The following AHNAK2 variants were observed in gnomAD, a reference collection of about 807,000 sequenced individuals.
AHNAK2 encodes AHNAK nucleoprotein 2, also known as protein AHNAK2.
In AHNAK2, 18 loss-of-function variants were observed where a neutral mutation model predicts 30.7. The observed-to-expected ratio is 0.59, with a 90% confidence interval of 0.41 to 0.87. The LOEUF is 0.87. Among genes scored for constraint, AHNAK2 ranks in the 40% least tolerant of loss-of-function variants. The pLI is 0.00. For missense variants in AHNAK2, 8,604 were observed against 7,373.0 expected (o/e 1.17, Z -6.11); for synonymous variants, 3,590 against 3,073.8 (o/e 1.17, Z -5.56).
rs1304136665 is a variant in AHNAK2, at chr14:104,949,836, C to T, written c.5615G>A (p.Cys1872Tyr). 6.3e-7 allele frequency: 1 copy of T among 1,587,446 alleles called. No homozygotes were observed. Among genetic ancestry groups the T allele is most frequent in the South Asian group, 1.1e-5 (1 of 90,028 alleles). Reference protein sequence around the residue: ...MQGDLKTTDLCIPLPSADLVV... With the variant: ...MQGDLKTTDLYIPLPSADLVV... ...CAGGTCTGCAGAAGGGAGCGGAATG[C>T]AGAGGTCCGTGGTCTTGAGGTCCCC... Residue 1872 changes from cysteine to tyrosine, a missense_variant, in exon 7 of 7, where the codon TGC (cysteine) becomes TAC (tyrosine). Coordinates refer to ENST00000333244, the MANE Select transcript of AHNAK2 (RefSeq NM_138420.4).
intron 1 of AHNAK2, chr14:104,970,559 A>C: frequency 2.1e-6 from 2 of 972,260 alleles, no homozygotes; most frequent in Non-Finnish European, 1.2e-6. Context: ...TCCTCCCCCC[A>C]TTGTCCCGCC....
In AHNAK2 at chr14:104,939,156, C is replaced by T. The variant is rs945643417; in HGVS notation, c.16295G>A (p.Trp5432Ter). Residue 5432 changes from tryptophan (W) to a stop codon, truncating the protein, a stop_gained, in exon 7 of 7, where the codon TGG becomes TAG. Coordinates refer to ENST00000333244, the MANE Select transcript of AHNAK2 (RefSeq NM_138420.4). LOFTEE classifies it low-confidence loss of function (END_TRUNC). ...ACCTGCCTTCAGGATGCTGGCTCCC[C>T]AGAGCCCCGGACTTTCCTTACAAAG... ...TALCKESPGL[W>*]GASILKAGAG... 6 of 1,612,084 alleles carry T rather than the reference C, an allele frequency of 3.7e-6. No individual in the cohort carries two copies. The highest frequency in any genetic ancestry group is 4.2e-6 in the Non-Finnish European group (5 of 1,179,268).
chr14:104,960,965 T>C (rs1030117046), intron 1 of AHNAK2, among the ~76,000 whole-genome samples: 1 of 150,326 alleles, frequency 6.7e-6, no homozygotes, highest in Admixed American at 6.7e-5. Context: ...AACCCCTCTC[T>C]ACTAAAAATA....
intron 1 of AHNAK2, among the ~76,000 whole-genome samples, chr14:104,975,633 C>T (rs1475090513): frequency 6.6e-6 from 1 of 152,238 alleles, no homozygotes; most frequent in Non-Finnish European, 1.5e-5. Flanking sequence ...TCTGCTCTGG[C>T]CCCTAAGAGC....
At chr14:104,968,837 T>C (rs1899389560) in intron 1 of AHNAK2, among the ~76,000 whole-genome samples, 1 of 152,182 alleles carries the variant, frequency 6.6e-6, no homozygotes, top group African/African-American at 2.4e-5. Flanking sequence ...GTGTGTGCAC[T>C]TGTGTGTCTG....
rs1897980127 is a variant in AHNAK2, at chr14:104,941,402, A to G, written c.14049T>C (p.Asp4683=). The change falls in exon 7 of 7, where the codon GAT becomes GAC. Residue 4683 remains aspartate, a synonymous_variant. Coordinates refer to ENST00000333244, the MANE Select transcript of AHNAK2 (RefSeq NM_138420.4). ...CTCCAACAGCAAGCCCCAAGTTACC[A>G]TCGCGAGATGGATCATGAAGATCAC... The part of the protein sequence containing the change: ...HEGDLHDPSR[D]GNLGLAVGEV... 1 of 1,613,188 alleles carries G rather than the reference A, an allele frequency of 6.2e-7. No individual in the cohort carries two copies. The highest frequency in any genetic ancestry group is 1.3e-5 in the African/African-American group (1 of 74,942).
chr14:104,940,098 GCTT>G lies in AHNAK2; in HGVS notation c.15350_15352del (p.Glu5117del). On this transcript the variant is annotated inframe_deletion, in exon 7 of 7. Coordinates refer to ENST00000333244, the MANE Select transcript of AHNAK2 (RefSeq NM_138420.4). The surrounding 1 kb of genome is among the most constrained non-coding windows in gnomAD (Gnocchi z 4.4). ...ATCATGTTTGGGAAGAGGCAGGTCAGCTTCAGGCTGGCTCACCTCCACCTTGGC... is the reference window on the plus strand; with the variant it reads ...ATCATGTTTGGGAAGAGGCAGGTCAGCAGGCTGGCTCACCTCCACCTTGGC... 6.2e-7 allele frequency: 1 copy of G among 1,613,252 alleles called. No homozygotes were observed.
intron 1 of AHNAK2, among the ~76,000 whole-genome samples, chr14:104,960,616 C>T (rs1899109430): frequency 6.6e-6 from 1 of 152,148 alleles, no homozygotes; most frequent in African/African-American, 2.4e-5. Flanking sequence ...CAGAATTAAG[C>T]TGGCATTGCC....
chr14:104,959,057 G>A (rs1451510438), intron 1 of AHNAK2, among the ~76,000 whole-genome samples: 1 of 152,220 alleles, frequency 6.6e-6, no homozygotes, highest in Non-Finnish European at 1.5e-5. Context: ...AAAATAGTCT[G>A]GGCATGCTGG....
Position 104,944,677 on chromosome 14 carries a change from C to A in AHNAK2, c.10774G>T (p.Val3592Leu), listed in dbSNP as rs562695332. The change falls in exon 7 of 7, where the codon GTG (valine) becomes TTG (leucine). Residue 3592 changes from valine (V) to leucine (L), a missense_variant. Coordinates refer to ENST00000333244, the MANE Select transcript of AHNAK2 (RefSeq NM_138420.4). ...KLDLKGPKAE[V>L]RVPDVEVSLP... is the part of the protein sequence containing the mutation. ...GACACCTCGACATCGGGGACTCTCA[C>A]TTCTGCCTTGGGGCCTTTCAGGTCC... is the stretch of plus-strand genomic sequence containing the variant. 2.9e-5 allele frequency: 46 copies of A among 1,613,210 alleles called. No individual in the cohort carries two copies. The South Asian group carries it at 3.7e-4, about 13-fold the overall frequency.
intron 1 of AHNAK2, among the ~76,000 whole-genome samples, chr14:104,974,820 A>G (rs1229663942): frequency 6.6e-6 from 1 of 152,098 alleles, no homozygotes. Flanking sequence ...AGAGTGTGGC[A>G]TTTTACTCCT....
In AHNAK2 at chr14:104,940,004, C is replaced by A; in HGVS notation, c.15447G>T (p.Glu5149Asp). Residue 5149 changes from glutamate to aspartate, a missense_variant, in exon 7 of 7, where the codon GAG (glutamate) becomes GAT (aspartate). Physicochemically the swap from Glu to Asp is conservative, Grantham distance 45. Coordinates refer to ENST00000333244, the MANE Select transcript of AHNAK2 (RefSeq NM_138420.4). The surrounding 1 kb of genome is among the most constrained non-coding windows in gnomAD (Gnocchi z 4.4). The stretch of plus-strand genomic sequence containing the variant: ...GATCTTCAGGTGTGGGGGCTATCCC[C>A]TCCCCACAAGGCTGGCTCACTGGGA... ...GDVPVSQPCG[E>D]GIAPTPEDPL... 1 of 1,612,694 alleles carries A rather than the reference C, an allele frequency of 6.2e-7. No homozygotes were observed. The highest frequency in any genetic ancestry group is 8.5e-7 in the Non-Finnish European group (1 of 1,179,888).
chr14:104,964,341 T>C (rs1899240766), intron 1 of AHNAK2, among the ~76,000 whole-genome samples: 2 of 152,130 alleles, frequency 1.3e-5, no homozygotes, highest in Non-Finnish European at 2.9e-5. Context: ...GCAGACCACC[T>C]GGAGACAAGG....
In AHNAK2 at chr14:104,952,497, G is replaced by A. The variant is rs776663755; in HGVS notation, c.2954C>T (p.Ser985Phe). The A allele has an allele frequency of 5.6e-6, 9 of 1,612,722 alleles. No homozygotes were observed. The highest frequency in any genetic ancestry group is 7.6e-6 in the Non-Finnish European group (9 of 1,179,676). Residue 985 changes from serine (S) to phenylalanine (F), a missense_variant, in exon 7 of 7, where the codon TCC becomes TTC. Physicochemically the swap from Ser to Phe is radical, Grantham distance 155 (BLOSUM62 -2). Transcript: ENST00000333244. ...GGCAGTCACGTCCTTGTCGGCCAGG[G>A]ACAGGTCCCCCTCCAGCCACGCACC... ...LDGAWLEGDL[S>F]LADKDVTAKD... is the part of the protein sequence containing the mutation.
chr14:104,938,464 C>T lies in AHNAK2; in HGVS notation c.16987G>A (p.Val5663Ile), dbSNP rs948275950. Residue 5663 changes from valine (V) to isoleucine (I), a missense_variant, in exon 7 of 7, where the codon GTT becomes ATT. Transcript: ENST00000333244. ...GFSSSVDETG[V>I]DSKNDVQRSA... ...CTCTGGACGTCATTTTTGGAATCAA[C>T]ACCTGTCTCATCAACAGAAGAGGAA... The T allele has an allele frequency of 6.2e-7, 1 of 1,613,882 alleles. No individual in the cohort carries two copies. The highest frequency in any genetic ancestry group is 8.5e-7 in the Non-Finnish European group (1 of 1,179,860).
intron 1 of AHNAK2, among the ~76,000 whole-genome samples, chr14:104,965,701 G>A (rs1159315154): frequency 2.6e-5 from 4 of 152,198 alleles, no homozygotes; most frequent in Non-Finnish European, 5.9e-5. Flanking sequence ...GTGGTGTGCT[G>A]GCCTCGGGGA....
rs1898911102 is a variant in AHNAK2 at position 104,954,553 on chromosome 14, T to G, written c.898A>C (p.Thr300Pro). Residue 300 changes from threonine (T) to proline (P), a missense_variant, in exon 7 of 7, where the codon ACA becomes CCA. By Grantham distance (38) the Thr-to-Pro change is conservative. Coordinates refer to ENST00000333244, the MANE Select transcript of AHNAK2 (RefSeq NM_138420.4). This position sits in a 1 kb window ranked among gnomAD's most constrained non-coding sequence, Gnocchi z 4.3. ...AHDVSPTSTD[T>P]EAQLTVERQE... Reference sequence around the variant, plus strand: ...CGCTCCACCGTGAGCTGGGCCTCTGTGTCTGTGCTTGTAGGGGACACGTCA... The same window carrying G: ...CGCTCCACCGTGAGCTGGGCCTCTGGGTCTGTGCTTGTAGGGGACACGTCA... The G allele has an allele frequency of 6.2e-7, 1 of 1,608,928 alleles. No individual in the cohort carries two copies. The highest frequency in any genetic ancestry group is 8.5e-7 in the Non-Finnish European group (1 of 1,177,752).
rs759891541 is a variant in AHNAK2 at position 104,950,108 on chromosome 14, G to T, written c.5343C>A (p.Asp1781Glu). Residue 1781 changes from aspartate (D) to glutamate (E), a missense_variant, in exon 7 of 7, where the codon GAC becomes GAA. Asp to Glu is a conservative substitution (Grantham distance 45). Coordinates refer to ENST00000333244, the MANE Select transcript of AHNAK2 (RefSeq NM_138420.4). ...KGPKAEVMAPDVEVSLPSVEV... is the reference protein window; with the variant it reads ...KGPKAEVMAPEVEVSLPSVEV... The stretch of plus-strand genomic sequence containing the variant: ...CCACGCTGGGCAGAGACACCTCCAC[G>T]TCGGGGGCCATCACCTCCGCCTTGG... 1.3e-6 allele frequency: 2 copies of T among 1,582,928 alleles called. No homozygotes were observed. Among genetic ancestry groups the T allele is most frequent in the African/African-American group, 2.8e-5 (2 of 71,024 alleles).
intron 1 of AHNAK2, among the ~76,000 whole-genome samples, chr14:104,973,031 G>GCT (rs1899511221): frequency 1.3e-5 from 2 of 152,246 alleles, no homozygotes; most frequent in African/African-American, 4.8e-5. Context: ...CAGCAGGCGG[G>GCT]TGCTGGGCAG....
Sources: allele counts gnomAD v4.1 joint callset (sites outside exome capture counted in the v4.1 genomes callset), GRCh38; gene constraint gnomAD v4.1.1; non-coding constraint Gnocchi (gnomAD v3.1); transcripts MANE v1.5; gene names NCBI Gene and HGNC (gene_info 2026-07-23, HGNC 2026-07-21).